Variants in TNFRSF11A observed in about 807,000 individuals in gnomAD.
TNFRSF11A encodes the protein tumor necrosis factor receptor superfamily member 11A.
Under a neutral mutation model 55.7 loss-of-function variants are expected in TNFRSF11A, and 32 were observed. The observed-to-expected ratio is 0.57, with a 90% CI of 0.43 to 0.77. The LOEUF is 0.77. Among genes scored for constraint, TNFRSF11A ranks in the 30% least tolerant of loss-of-function variants. TNFRSF11A has a pLI of 0.00. For synonymous variants in TNFRSF11A, 311 were observed against 331.0 expected, an observed-to-expected ratio of 0.94 and a Z score of 0.65; for missense variants, 753 against 809.8, an observed-to-expected ratio of 0.93 and a Z score of 0.85.
rs552069161 is a variant in TNFRSF11A at position 62,385,343 on chromosome 18, TG to T, written c.*320del. On this transcript the variant is annotated 3_prime_UTR_variant, in exon 10 of 10. Transcript: ENST00000586569. ...CTATTTTTATGACTATCCTGTTCTG[TG>T]GGGGGGGGGGTCTGTTTTCCCCCCA... 0.26 allele frequency: 42,165 copies of T among 162,928 alleles called. 4,699 individuals are homozygous for T. Among genetic ancestry groups the T allele is most frequent in the Non-Finnish European group, 0.32 (25,459 of 80,698 alleles). The allele number at this position is 162,928 out of a possible 1,614,324, so 10.1% of individuals were successfully genotyped here.
At position 62,368,864 on chromosome 18, in the gene TNFRSF11A, G is replaced by A. The variant is rs1287756225; in HGVS notation, c.947G>A (p.Gly316Asp). 2 of 1,614,102 alleles carry A rather than the reference G, an allele frequency of 1.2e-6. No homozygotes were observed. The highest frequency in any genetic ancestry group is 1.7e-6 in the Non-Finnish European group (2 of 1,180,054). ...GVCQGTCVGGGPYAQGEDARM... is the reference protein window; with the variant it reads ...GVCQGTCVGGDPYAQGEDARM... ...TGTCAGGGCACATGTGTAGGAGGTG[G>A]TCCCTACGCACAAGGCGAAGATGCC... The change falls in exon 9 of 10, where the codon GGT becomes GAT. Residue 316 changes from glycine to aspartate, a missense_variant. Transcript: ENST00000586569.
chr18:62,371,779 C>T (rs1208704456), intron 9 of TNFRSF11A, among the ~76,000 whole-genome samples: 1 of 152,144 alleles, frequency 6.6e-6, no homozygotes, highest in Non-Finnish European at 1.5e-5. Context: ...CTTGCTTTTT[C>T]ATGTAGTTTT....
At chr18:62,344,189 T>A (rs143764773) in intron 1 of TNFRSF11A, among the ~76,000 whole-genome samples, 30 of 152,104 alleles carry the variant, frequency 2.0e-4, no homozygotes. Flanking sequence ...TGGGACAGAG[T>A]TTCCTAAGCA....
rs1911584392 is a variant in TNFRSF11A at position 62,384,887 on chromosome 18, C to T, written c.1704C>T (p.Arg568=). The T allele has an allele frequency of 1.9e-6, 3 of 1,590,012 alleles. No homozygotes were observed. Among genetic ancestry groups the T allele is most frequent in the Admixed American group, 3.5e-5 (2 of 56,630 alleles). ...CGGCGGCTGCGGAGCCCATGGGCCG[C>T]CCGGTGCAGGAGGAGACCCTGGCGC... The part of the protein sequence containing the change: ...GAAAAAEPMG[R]PVQEETLARR... The change falls in exon 10 of 10, where the codon CGC becomes CGT. Residue 568 remains arginine, a synonymous_variant. Coordinates refer to ENST00000586569, the MANE Select transcript of TNFRSF11A (RefSeq NM_003839.4).
In TNFRSF11A at chr18:62,325,411, T is replaced by G; in HGVS notation, c.59T>G (p.Leu20Arg). 1 of 1,253,226 alleles carries G rather than the reference T, an allele frequency of 8.0e-7. No individual in the cohort carries two copies. The highest frequency in any genetic ancestry group is 1.0e-6 in the Non-Finnish European group (1 of 986,954). The allele number at this position is 1,253,226 out of a possible 1,614,324, so 77.6% of individuals were successfully genotyped here. Residue 20 changes from leucine to arginine, a missense_variant, in exon 1 of 10, where the codon CTG (leucine) becomes CGG (arginine). Physicochemically the swap from Leu to Arg is moderately radical, Grantham distance 102 (BLOSUM62 -2). This residue lies in a region of TNFRSF11A where 156 missense variants were observed against 155.1 expected (regional missense o/e 1.01). Coordinates refer to ENST00000586569, the MANE Select transcript of TNFRSF11A (RefSeq NM_003839.4). The surrounding 1 kb of genome is among the most constrained non-coding windows in gnomAD (Gnocchi z 4.7). ...TTCGCGCTGCTGCTGCTCTGCGCGC[T>G]GCTCGCCCGGCTGCAGGTAAGGAGC... is the stretch of plus-strand genomic sequence containing the variant. ...PLFALLLLCA[L>R]LARLQVALQI... is the part of the protein sequence containing the mutation.
chr18:62,380,623 A>G (rs1186366047), intron 9 of TNFRSF11A, among the ~76,000 whole-genome samples: 1 of 150,766 alleles, frequency 6.6e-6, no homozygotes, highest in Non-Finnish European at 1.5e-5. Context: ...TTTTTAGTAG[A>G]GACCAGGTTT....
chr18:62,388,556 G>C lies in TNFRSF11A; in HGVS notation c.*3522G>C. On this transcript the variant is annotated 3_prime_UTR_variant, in exon 10 of 10. Transcript: ENST00000586569. ...GCGTGGAGTAAAATGCTGCAGAGAA[G>C]AGTGCATTCTGGGAAAAAAAGAGGA... The C allele has an allele frequency of 6.6e-6, 1 of 152,272 alleles. No individual in the cohort carries two copies. The highest frequency in any genetic ancestry group is 1.5e-5 in the Non-Finnish European group (1 of 68,072). The allele number at this position is 152,272 out of a possible 1,614,324, so 9.4% of individuals were successfully genotyped here.
rs1911632962 is a variant in TNFRSF11A, at chr18:62,385,231, C to T, written c.*197C>T. 1.8e-6 allele frequency: 1 copy of T among 560,446 alleles called. No homozygotes were observed. Among genetic ancestry groups the T allele is most frequent in the Non-Finnish European group, 2.8e-6 (1 of 356,584 alleles). The allele number at this position is 560,446 out of a possible 1,614,324, so 34.7% of individuals were successfully genotyped here. ...TTGATGAGGACTGTCCCCATGCCCA[C>T]GGATGCTCAGCAGCCCGCCGCACTG... On this transcript the variant is annotated 3_prime_UTR_variant, in exon 10 of 10. Coordinates refer to ENST00000586569, the MANE Select transcript of TNFRSF11A (RefSeq NM_003839.4).
chr18:62,356,246 C>A (rs886859397), intron 4 of TNFRSF11A, among the ~76,000 whole-genome samples: 1 of 152,184 alleles, frequency 6.6e-6, no homozygotes, highest in Non-Finnish European at 1.5e-5. Context: ...TTATCCATTT[C>A]AATTCATATC....
At chr18:62,358,066 C>A in intron 4 of TNFRSF11A, 182 bp from the exon 5 acceptor site, 1 of 622,742 alleles carries the variant, frequency 1.6e-6, no homozygotes, top group South Asian at 1.8e-5. Context: ...GCTCTGTGGG[C>A]CCAAGCCTGT....
intron 1 of TNFRSF11A, among the ~76,000 whole-genome samples, chr18:62,331,302 T>C (rs1012620083): frequency 4.6e-5 from 7 of 152,208 alleles, no homozygotes; most frequent in Admixed American, 2.0e-4. Context: ...TATTTTTCAC[T>C]TTATTAAGGA....
intron 4 of TNFRSF11A, among the ~76,000 whole-genome samples, chr18:62,355,088 C>T (rs8087616): frequency 0.68 from 104,101 of 152,026 alleles, 35,855 homozygotes; most frequent in African/African-American, 0.7. Context: ...TTAAATGCGC[C>T]AATTGTATTT....
Position 62,385,064 on chromosome 18 carries a change from CG to C in TNFRSF11A, c.*32del, listed in dbSNP as rs1325970123. 1 of 1,453,596 alleles carries C rather than the reference CG, an allele frequency of 6.9e-7. No homozygotes were observed. The highest frequency in any genetic ancestry group is 2.7e-5 in the Admixed American group (1 of 37,346). The allele number at this position is 1,453,596 out of a possible 1,614,324, so 90.0% of individuals were successfully genotyped here. A position where few individuals can be genotyped will look rare whatever the true frequency, so the allele number is the denominator to read the frequency against. On this transcript the variant is annotated 3_prime_UTR_variant, in exon 10 of 10. Transcript: ENST00000586569. Reference sequence around the variant, plus strand: ...CCCCCATGGCTGGGAGCCCGAAGCTCGGAGCCAGGGCTCGCGAGGGCAGCAC... The same window carrying C: ...CCCCCATGGCTGGGAGCCCGAAGCTCGAGCCAGGGCTCGCGAGGGCAGCAC...
chr18:62,326,656 A>G (rs1223845844), intron 1 of TNFRSF11A, among the ~76,000 whole-genome samples: 1 of 152,208 alleles, frequency 6.6e-6, no homozygotes, highest in African/African-American at 2.4e-5. Context: ...ACATATTCAT[A>G]TGTGCATAAA....
At chr18:62,371,276 T>C (rs1351115821) in intron 9 of TNFRSF11A, among the ~76,000 whole-genome samples, 1 of 152,168 alleles carries the variant, frequency 6.6e-6, no homozygotes, top group Non-Finnish European at 1.5e-5. Flanking sequence ...GACCGGTTTT[T>C]CAGTGGGTGA....
Position 62,389,441 on chromosome 18 carries a change from A to C in TNFRSF11A, c.*4407A>C, listed in dbSNP as rs1031033387. The C allele has an allele frequency of 3.3e-5, 5 of 152,340 alleles. No individual in the cohort carries two copies. Among genetic ancestry groups the C allele is most frequent in the African/African-American group, 7.2e-5 (3 of 41,438 alleles). The allele number at this position is 152,340 out of a possible 1,614,324, so 9.4% of individuals were successfully genotyped here. A position where few individuals can be genotyped will look rare whatever the true frequency, so the allele number is the denominator to read the frequency against. On this transcript the variant is annotated 3_prime_UTR_variant, in exon 10 of 10. Coordinates refer to ENST00000586569, the MANE Select transcript of TNFRSF11A (RefSeq NM_003839.4). The stretch of plus-strand genomic sequence containing the variant: ...GGAGCCGCCCTGGACCAACACCCCC[A>C]TGGCTGCCCCACTGCGGAACTGCCT...
At position 62,325,425 on chromosome 18, in the gene TNFRSF11A, C is replaced by A; in HGVS notation, c.73C>A (p.Gln25Lys). Reference sequence around the variant, plus strand: ...GCTCTGCGCGCTGCTCGCCCGGCTGCAGGTAAGGAGCGCCCGCGCCTGCCG... The same window carrying A: ...GCTCTGCGCGCTGCTCGCCCGGCTGAAGGTAAGGAGCGCCCGCGCCTGCCG... ...LLLCALLARL[Q>K]VALQIAPPCT... The change falls in exon 1 of 10, where the codon CAG becomes AAG. Residue 25 changes from glutamine (Q) to lysine (K), a missense_variant and splice_region_variant. Gln to Lys is a moderately conservative substitution (Grantham distance 53). Around this residue, in one of 3 missense-constraint regions of TNFRSF11A, gnomAD observed 156 missense variants for 155.1 expected, o/e 1.01. Coordinates refer to ENST00000586569, the MANE Select transcript of TNFRSF11A (RefSeq NM_003839.4). This position sits in a 1 kb window ranked among gnomAD's most constrained non-coding sequence, Gnocchi z 4.7. 1 of 1,263,650 alleles carries A rather than the reference C, an allele frequency of 7.9e-7. No individual in the cohort carries two copies. The highest frequency in any genetic ancestry group is 1.0e-6 in the Non-Finnish European group (1 of 991,830). The allele number at this position is 1,263,650 out of a possible 1,614,324, so 78.3% of individuals were successfully genotyped here. A position where few individuals can be genotyped will look rare whatever the true frequency, so the allele number is the denominator to read the frequency against.
chr18:62,336,027 A>G (rs949176327), intron 1 of TNFRSF11A, among the ~76,000 whole-genome samples: 4 of 152,212 alleles, frequency 2.6e-5, no homozygotes, highest in Non-Finnish European at 5.9e-5. Flanking sequence ...CACGTAGTAG[A>G]TATTTCACTA....
chr18:62,325,468 C>A lies in TNFRSF11A; in HGVS notation c.75+41C>A. 1 of 1,206,022 alleles carries A rather than the reference C, an allele frequency of 8.3e-7. No individual in the cohort carries two copies. 74.7% of individuals were successfully genotyped at this position (1,206,022 alleles called of 1,614,324 possible). ...GCCTGCCGGGCCGCGCGGCCCGACGCCTCCTCGGGAGCCCCGGGAAGGGCC... is the reference window on the plus strand; with the variant it reads ...GCCTGCCGGGCCGCGCGGCCCGACGACTCCTCGGGAGCCCCGGGAAGGGCC... On this transcript the variant is annotated intron_variant, in intron 1 of 9. Coordinates refer to ENST00000586569, the MANE Select transcript of TNFRSF11A (RefSeq NM_003839.4). The surrounding 1 kb of genome is among the most constrained non-coding windows in gnomAD (Gnocchi z 4.7).
Sources: allele counts gnomAD v4.1 joint callset (sites outside exome capture counted in the v4.1 genomes callset), GRCh38; gene constraint gnomAD v4.1.1; regional missense constraint gnomAD v4.1.1; non-coding constraint Gnocchi (gnomAD v3.1); transcripts MANE v1.5; gene names NCBI Gene and HGNC (gene_info 2026-07-23, HGNC 2026-07-21).